Variants in SRPK2 observed in about 807,000 individuals in gnomAD.
SRPK2 encodes the protein SRSF protein kinase 2.
A neutral mutation model predicts 90.8 loss-of-function variants in SRPK2; 21 were observed. The observed-to-expected ratio is 0.23, with a 90% CI of 0.16 to 0.33. SRPK2 has a LOEUF of 0.33. Ranked by LOEUF, SRPK2 falls within the 10% of genes least tolerant of loss-of-function variation. The pLI is 1.00. For synonymous variants in SRPK2, 288 were observed against 311.1 expected, an observed-to-expected ratio of 0.93 and a Z score of 0.78; for missense variants, 620 against 869.0, an observed-to-expected ratio of 0.71 and a Z score of 3.60.
intron 2 of SRPK2, among the ~76,000 whole-genome samples, chr7:105,248,493 A>G (rs1802028063): frequency 6.6e-6 from 1 of 150,988 alleles, no homozygotes; most frequent in African/African-American, 2.4e-5. Flanking sequence ...AGTCTCAGCT[A>G]CTTGGGAGGC....
At chr7:105,309,933 T>C (rs1811524897) in intron 2 of SRPK2, among the ~76,000 whole-genome samples, 1 of 152,004 alleles carries the variant, frequency 6.6e-6, no homozygotes, top group African/African-American at 2.4e-5. Context: ...GAGAAAAAAA[T>C]CACACAGACA....
chr7:105,269,543 A>G (rs1263012734), intron 2 of SRPK2, among the ~76,000 whole-genome samples: 1 of 152,144 alleles, frequency 6.6e-6, no homozygotes, highest in East Asian at 1.9e-4. Flanking sequence ...ACACCCATTT[A>G]CCGAGCAGAG....
In SRPK2 at chr7:105,388,688, C is replaced by A; in HGVS notation, c.31G>T (p.Ala11Ser). The change falls in exon 2 of 16, where the codon GCC becomes TCC. Residue 11 changes from alanine (A) to serine (S), a missense_variant. Transcript: ENST00000393651. ...TCTCTTTTCGGCCTCCGCTTTCGGG[C>A]CTGAATGGCCAGCACTGGGGAAGAG... MSSRKVLAIQ[A>S]RKRRPKREKH... The A allele has an allele frequency of 1.3e-6, 2 of 1,588,398 alleles. No homozygotes were observed. Among genetic ancestry groups the A allele is most frequent in the East Asian group, 2.3e-5 (1 of 42,808 alleles).
intron 7 of SRPK2, among the ~76,000 whole-genome samples, chr7:105,148,512 G>C (rs1452861506): frequency 6.6e-6 from 1 of 152,092 alleles, no homozygotes; most frequent in Non-Finnish European, 1.5e-5. Flanking sequence ...AACAGATCAT[G>C]TTCTCATATA....
rs1381209886 is a variant in SRPK2, at chr7:105,117,801, C to A, written c.*37G>T. 1.9e-6 allele frequency: 3 copies of A among 1,607,004 alleles called. No homozygotes were observed. The highest frequency in any genetic ancestry group is 2.6e-6 in the Non-Finnish European group (3 of 1,175,820). ...CCGTTTAGGTCCAATGTACTGGGAA[C>A]ATTTGCTAGCTCAGAATGCAATATT... On this transcript the variant is annotated 3_prime_UTR_variant, in exon 16 of 16. Transcript: ENST00000393651.
chr7:105,363,331 G>GA (rs1389269532), intron 2 of SRPK2, among the ~76,000 whole-genome samples: 5 of 152,002 alleles, frequency 3.3e-5, no homozygotes, highest in Admixed American at 6.6e-5. Context: ...AAATTTACAA[G>GA]AAAAAATCAA....
chr7:105,138,664 TG>T (rs1803246449), intron 11 of SRPK2, among the ~76,000 whole-genome samples: 1 of 152,050 alleles, frequency 6.6e-6, no homozygotes, highest in Non-Finnish European at 1.5e-5. Flanking sequence ...TGACCAGACA[TG>T]GTAGTGCCAA....
chr7:105,269,546 G>A (rs922859885), intron 2 of SRPK2, among the ~76,000 whole-genome samples: 1 of 152,006 alleles, frequency 6.6e-6, no homozygotes, highest in South Asian at 2.1e-4. Context: ...CCCATTTACC[G>A]AGCAGAGATA....
chr7:105,316,018 G>A (rs980001895), intron 2 of SRPK2, among the ~76,000 whole-genome samples: 3 of 128,146 alleles, frequency 2.3e-5, no homozygotes, highest in African/African-American at 8.0e-5. Context: ...GACATCTTTA[G>A]GTAATTTTTT....
At chr7:105,143,464 C>G (rs969659302) in intron 9 of SRPK2, 134 bp from the exon 10 acceptor site, 2 of 1,135,882 alleles carry the variant, frequency 1.8e-6, no homozygotes, top group Non-Finnish European at 2.5e-6. Flanking sequence ...CAAACCCAGA[C>G]AGATCCACTT....
At chr7:105,339,918 C>T (rs544436032) in intron 2 of SRPK2, among the ~76,000 whole-genome samples, 2 of 152,044 alleles carry the variant, frequency 1.3e-5, no homozygotes, top group East Asian at 1.9e-4. Context: ...ATTGTCCTGG[C>T]GCAGTGGCAC....
intron 2 of SRPK2, among the ~76,000 whole-genome samples, chr7:105,299,106 C>CT (rs1199681478): frequency 1.3e-5 from 2 of 152,230 alleles, no homozygotes; most frequent in African/African-American, 4.8e-5. Flanking sequence ...AGTGGGCACT[C>CT]TTCCTCCTGT....
At chr7:105,209,341 A>G (rs533755018) in intron 2 of SRPK2, among the ~76,000 whole-genome samples, 1 of 152,282 alleles carries the variant, frequency 6.6e-6, no homozygotes, top group Admixed American at 6.5e-5. Flanking sequence ...AGTTGAGCCC[A>G]GGAGTCTGAG....
intron 2 of SRPK2, among the ~76,000 whole-genome samples, chr7:105,323,330 TAAAGCCTTCTGC>T (rs1813156107): frequency 6.6e-6 from 1 of 152,136 alleles, no homozygotes; most frequent in East Asian, 1.9e-4. Context: ...CAAATGAAGG[TAAAGCCTTCTGC>T]AAACCCAAGC....
chr7:105,282,871 A>C (rs1243824889), intron 2 of SRPK2, among the ~76,000 whole-genome samples: 2 of 138,170 alleles, frequency 1.4e-5, no homozygotes, highest in African/African-American at 5.7e-5. Flanking sequence ...GATGGGAGAA[A>C]ATATTTGTAA....
chr7:105,190,850 TCAA>T (rs1425977295), intron 3 of SRPK2, among the ~76,000 whole-genome samples: 2 of 152,238 alleles, frequency 1.3e-5, no homozygotes, highest in Non-Finnish European at 2.9e-5. Flanking sequence ...GTCAAACTCA[TCAA>T]CATCTTCCCC....
At chr7:105,265,869 T>A (rs147010980) in intron 2 of SRPK2, among the ~76,000 whole-genome samples, 4,137 of 152,162 alleles carry the variant, frequency 0.027, 65 homozygotes, top group South Asian at 0.034. Flanking sequence ...GCATTTTTTT[T>A]AAAAAATTCA....
At chr7:105,200,173 G>A (rs1015201400) in intron 3 of SRPK2, among the ~76,000 whole-genome samples, 2 of 152,122 alleles carry the variant, frequency 1.3e-5, no homozygotes, top group Admixed American at 6.6e-5. Context: ...GTGGTGGCAT[G>A]AGCCTGTAGT....
At chr7:105,343,880 A>C (rs1024237137) in intron 2 of SRPK2, among the ~76,000 whole-genome samples, 5 of 152,078 alleles carry the variant, frequency 3.3e-5, no homozygotes, top group African/African-American at 1.2e-4. Context: ...CTCCTGCCTC[A>C]GCCTCCCAAG....
Sources: gnomAD v4.1 joint callset for allele counts (sites outside exome capture counted in the v4.1 genomes callset) on GRCh38, gnomAD v4.1.1 for gene constraint, MANE v1.5 for transcripts, NCBI Gene and HGNC (gene_info 2026-07-23, HGNC 2026-07-21) for gene names.